IL15: variants seen among roughly 807,000 people sequenced by gnomAD.
The protein encoded by IL15 is interleukin-15.
In IL15, 11 loss-of-function variants were observed where a neutral mutation model predicts 19.6. That is an observed-to-expected ratio of 0.56 (90% confidence interval 0.35 to 0.93). The LOEUF is 0.93. Among genes scored for constraint, IL15 ranks in the 40% least tolerant of loss-of-function variants. IL15 has a pLI of 0.01. For synonymous variants in IL15, 58 were observed against 59.6 expected, an observed-to-expected ratio of 0.97 and a Z score of 0.12; for missense variants, 197 against 186.5, an observed-to-expected ratio of 1.06 and a Z score of -0.33.
chr4:141,725,572 T>C (rs1730230319), intron 5 of IL15, among the ~76,000 whole-genome samples: 1 of 152,162 alleles, frequency 6.6e-6, no homozygotes, highest in South Asian at 2.1e-4. Context: ...AAGTCTGTGG[T>C]ACTTTTTATA....
intron 2 of IL15, among the ~76,000 whole-genome samples, chr4:141,698,564 G>A (rs1196865990): frequency 6.6e-6 from 1 of 151,906 alleles, no homozygotes; most frequent in Non-Finnish European, 1.5e-5. Context: ...TTTAATCTAG[G>A]AGGGTTGTAT....
intron 2 of IL15, among the ~76,000 whole-genome samples, chr4:141,663,238 G>A (rs76557836): frequency 0.023 from 3,459 of 152,206 alleles, 130 homozygotes; most frequent in African/African-American, 0.078. Flanking sequence ...AATAAAATAA[G>A]AGTTAAAACA....
chr4:141,658,748 A>G (rs1019113486), intron 2 of IL15, among the ~76,000 whole-genome samples: 5 of 152,182 alleles, frequency 3.3e-5, no homozygotes, highest in African/African-American at 1.2e-4. Context: ...AAAATAAAAT[A>G]AATATAAATT....
chr4:141,708,455 G>C lies in IL15; in HGVS notation c.-99-10911G>C, dbSNP rs577735047. Among the ~76,000 whole-genome samples, 4 of 152,188 alleles carry C rather than the reference G, an allele frequency of 2.6e-5. No individual in the cohort carries two copies. In the South Asian group the frequency reaches 6.2e-4, roughly 24 times the overall value. Reference sequence around the variant, plus strand: ...TAAGGGTGGGAGGTGTTCAAGGTGGGCTCCTACTGTGAGGCAGTGCAGCTG... The same window carrying C: ...TAAGGGTGGGAGGTGTTCAAGGTGGCCTCCTACTGTGAGGCAGTGCAGCTG... On this transcript the variant is annotated intron_variant, in intron 2 of 7. Coordinates refer to ENST00000320650, the MANE Select transcript of IL15 (RefSeq NM_000585.5).
intron 2 of IL15, chr4:141,718,890 GAA>G (rs975525677): frequency 1.3e-5 from 2 of 152,050 alleles, no homozygotes; most frequent in Admixed American, 6.6e-5. Flanking sequence ...ATTTGAGTGA[GAA>G]AAAATAAAAT....
At chr4:141,671,409 G>A (rs1728171206) in intron 2 of IL15, among the ~76,000 whole-genome samples, 1 of 152,164 alleles carries the variant, frequency 6.6e-6, no homozygotes, top group South Asian at 2.1e-4. Context: ...TCTGAATCTC[G>A]TGATTTAAAA....
At chr4:141,713,531 A>G (rs1368940043) in intron 2 of IL15, among the ~76,000 whole-genome samples, 1 of 152,214 alleles carries the variant, frequency 6.6e-6, no homozygotes, top group East Asian at 1.9e-4. Context: ...GGCCCTCTAC[A>G]CAAAGTGTTA....
intron 1 of IL15, among the ~76,000 whole-genome samples, chr4:141,642,520 G>T (rs564811519): frequency 6.6e-6 from 1 of 152,174 alleles, no homozygotes; most frequent in Non-Finnish European, 1.5e-5. Context: ...CAGGGAGTAG[G>T]ATGGGGAGCA....
chr4:141,681,786 T>C lies in IL15; in HGVS notation c.-100+25479T>C, dbSNP rs371281630. 4.8e-4 allele frequency among the ~76,000 whole-genome samples: 73 copies of C among 151,846 alleles called. 2 individuals carry two copies. The South Asian group carries it at 0.013, about 27-fold the overall frequency. ...TTTTCAGTTAATAACCCAAAGTGTC[T>C]CTTCAGATGCTTAAGTCAAGTCGTT... On this transcript the variant is annotated intron_variant, in intron 2 of 7. Transcript: ENST00000320650.
chr4:141,708,190 C>T (rs753159359), intron 2 of IL15, among the ~76,000 whole-genome samples: 3 of 152,146 alleles, frequency 2.0e-5, no homozygotes, highest in Non-Finnish European at 2.9e-5. Context: ...TGGAAGCTTC[C>T]CTGCTGTGCA....
intron 1 of IL15, among the ~76,000 whole-genome samples, chr4:141,645,032 C>CA (rs1560899339): frequency 6.6e-6 from 1 of 152,078 alleles, no homozygotes; most frequent in African/African-American, 2.4e-5. Flanking sequence ...TTTGCAGTGG[C>CA]GTAGCCTGCT....
chr4:141,684,520 C>A (rs550116861), intron 2 of IL15, among the ~76,000 whole-genome samples: 9 of 152,332 alleles, frequency 5.9e-5, no homozygotes, highest in African/African-American at 2.2e-4. Context: ...TTGAAGGACA[C>A]ATGCAATCTG....
chr4:141,662,147 C>G (rs1012973446), intron 2 of IL15, among the ~76,000 whole-genome samples: 1 of 152,138 alleles, frequency 6.6e-6, no homozygotes. Flanking sequence ...GGCAAATGTT[C>G]CAAGAGGACC....
At chr4:141,672,825 C>A (rs1728218525) in intron 2 of IL15, among the ~76,000 whole-genome samples, 1 of 152,146 alleles carries the variant, frequency 6.6e-6, no homozygotes, top group African/African-American at 2.4e-5. Context: ...AGTTTCTTAT[C>A]TTTTGACTTA....
chr4:141,642,952 C>G (rs1727102187), intron 1 of IL15, among the ~76,000 whole-genome samples: 1 of 152,146 alleles, frequency 6.6e-6, no homozygotes, highest in African/African-American at 2.4e-5. Flanking sequence ...AGTCAATCAT[C>G]TTTCAAGTGT....
At chr4:141,712,872 G>A (rs1459742547) in intron 2 of IL15, among the ~76,000 whole-genome samples, 1 of 151,440 alleles carries the variant, frequency 6.6e-6, no homozygotes, top group African/African-American at 2.4e-5. Flanking sequence ...AGAACTTAAA[G>A]GTGTTTCATT....
At chr4:141,671,059 G>A (rs769970372) in intron 2 of IL15, among the ~76,000 whole-genome samples, 8 of 152,152 alleles carry the variant, frequency 5.3e-5, no homozygotes, top group East Asian at 1.9e-4. Context: ...TCATCCATCC[G>A]TCTAACAATT....
intron 2 of IL15, among the ~76,000 whole-genome samples, chr4:141,695,529 C>T (rs914196032): frequency 7.9e-5 from 12 of 151,918 alleles, no homozygotes; most frequent in East Asian, 3.9e-4. Context: ...AATAGTGCTG[C>T]GATAAACATG....
chr4:141,699,483 G>A (rs1409857892), intron 2 of IL15, among the ~76,000 whole-genome samples: 2 of 152,018 alleles, frequency 1.3e-5, no homozygotes, highest in Non-Finnish European at 2.9e-5. Flanking sequence ...AGGTTTAGTA[G>A]GTATTGTTTT....
Sources: allele counts gnomAD v4.1 joint callset (sites outside exome capture counted in the v4.1 genomes callset), GRCh38; gene constraint gnomAD v4.1.1; transcripts MANE v1.5; gene names NCBI Gene and HGNC (gene_info 2026-07-23, HGNC 2026-07-21).